Variants in KANK1 observed in about 807,000 individuals in gnomAD.
KANK1 encodes the protein KN motif and ankyrin repeat domains 1.
In KANK1, 109 loss-of-function variants were observed where a neutral mutation model predicts 106.2. The ratio of observed to expected loss-of-function variants is 1.03; its 90% CI spans 0.88 to 1.20. The LOEUF is 1.20. Among genes scored for constraint, KANK1 ranks in the 50% most tolerant of loss-of-function variants. The probability of loss-of-function intolerance (pLI) is 0.00; values close to 1 mark genes in which losing one functional copy is unlikely to be tolerated. For missense variants in KANK1, 2,399 were observed against 1,710.7 expected, an observed-to-expected ratio of 1.40 and a Z score of -7.10; for synonymous variants, 873 against 652.2, an observed-to-expected ratio of 1.34 and a Z score of -5.16.
In KANK1 at chr9:738,519, C is replaced by T; in HGVS notation, c.3553+15C>T. ...GTTAGATGCCGGTATGTTGGCTGCC[C>T]TTCCACCCTCTCTTCTCTAACAGTA... is the stretch of plus-strand genomic sequence containing the variant. On this transcript the variant is annotated intron_variant, in intron 8 of 11. Coordinates refer to ENST00000382297, the MANE Select transcript of KANK1 (RefSeq NM_015158.5). The T allele has an allele frequency of 6.3e-7, 1 of 1,591,374 alleles. No individual in the cohort carries two copies. Among genetic ancestry groups the T allele is most frequent in the Non-Finnish European group, 8.6e-7 (1 of 1,159,376 alleles).
chr9:663,953 A>C (rs901216476), intron 1 of KANK1, among the ~76,000 whole-genome samples: 2 of 152,072 alleles, frequency 1.3e-5, no homozygotes, highest in African/African-American at 4.8e-5. Flanking sequence ...GAACTCTTCA[A>C]ATAAGGTCGT....
chr9:493,502 T>C (rs1443525790), intron 3 of KANK1, among the ~76,000 whole-genome samples: 1 of 151,306 alleles, frequency 6.6e-6, no homozygotes, highest in African/African-American at 2.4e-5. Flanking sequence ...TCAGGAACTA[T>C]GTGAAATGAT....
intron 1 of KANK1, among the ~76,000 whole-genome samples, chr9:545,907 G>A (rs549465589): frequency 1.6e-4 from 25 of 151,784 alleles, no homozygotes; most frequent in African/African-American, 5.8e-4. Flanking sequence ...CACCATGCCC[G>A]GCTAATTTTT....
intron 7 of KANK1, among the ~76,000 whole-genome samples, chr9:735,283 G>T (rs1217377411): frequency 6.6e-6 from 1 of 152,120 alleles, no homozygotes; most frequent in East Asian, 1.9e-4. Flanking sequence ...TGTATGTTAT[G>T]CTCTGATGTG....
intron 1 of KANK1, among the ~76,000 whole-genome samples, chr9:508,048 G>A (rs537089932): frequency 2.7e-5 from 4 of 148,472 alleles, no homozygotes; most frequent in Admixed American, 6.8e-5. Context: ...TCTTGAACTC[G>A]TGACGTCAGG....
intron 1 of KANK1, among the ~76,000 whole-genome samples, chr9:510,091 G>A (rs2058966092): frequency 6.6e-6 from 1 of 151,978 alleles, no homozygotes; most frequent in African/African-American, 2.4e-5. Flanking sequence ...GGGATTACAG[G>A]TGTGAGCCAC....
At chr9:676,783 C>T (rs1278653208) in intron 1 of KANK1, 107 bp from the exon 2 acceptor site, 25 of 530,604 alleles carry the variant, frequency 4.7e-5, no homozygotes, top group Non-Finnish European at 6.8e-5. Context: ...CCCCCCATTC[C>T]GATTTCCTTT....
intron 1 of KANK1, among the ~76,000 whole-genome samples, chr9:517,305 T>C (rs894327903): frequency 1.3e-5 from 2 of 151,654 alleles, no homozygotes; most frequent in Non-Finnish European, 2.9e-5. Flanking sequence ...GGTTTCACCA[T>C]GTTGGCCAGG....
At position 685,174 on chromosome 9, in the gene KANK1, G is replaced by C. The variant is rs1193020722; in HGVS notation, c.37+8165G>C. Among the ~76,000 whole-genome samples, 3 of 152,224 alleles carry C rather than the reference G, an allele frequency of 2.0e-5. No homozygotes were observed. The East Asian group carries it at 5.8e-4, about 29-fold the overall frequency. On this transcript the variant is annotated intron_variant, in intron 2 of 11. Coordinates refer to ENST00000382297, the MANE Select transcript of KANK1 (RefSeq NM_015158.5). Reference sequence around the variant, plus strand: ...AGCCTGGTTCTGCTTTTGAGCTGCAGTTCATTATGAATCCGGAAAACACAG... The same window carrying C: ...AGCCTGGTTCTGCTTTTGAGCTGCACTTCATTATGAATCCGGAAAACACAG...
intron 1 of KANK1, among the ~76,000 whole-genome samples, chr9:511,548 A>G (rs2059026385): frequency 6.7e-6 from 1 of 148,816 alleles, no homozygotes. Context: ...TGAATGAGTT[A>G]AAACCAACTC....
chr9:710,989 G>A lies in KANK1; in HGVS notation c.223G>A (p.Glu75Lys). The change falls in exon 3 of 12, where the codon GAA becomes AAA. Residue 75 changes from glutamate to lysine, a missense_variant. Coordinates refer to ENST00000382297, the MANE Select transcript of KANK1 (RefSeq NM_015158.5). ...KRRKPSVPCP[E>K]PRTTSGQQGI... Reference sequence around the variant, plus strand: ...GCGGAAGCCGTCCGTGCCATGCCCAGAACCCAGGACCACATCTGGTCAGCA... The same window carrying A: ...GCGGAAGCCGTCCGTGCCATGCCCAAAACCCAGGACCACATCTGGTCAGCA... The A allele has an allele frequency of 6.2e-7, 1 of 1,614,144 alleles. No individual in the cohort carries two copies. Among genetic ancestry groups the A allele is most frequent in the Non-Finnish European group, 8.5e-7 (1 of 1,180,032 alleles).
chr9:682,096 A>G (rs1187101848), intron 2 of KANK1, among the ~76,000 whole-genome samples: 5 of 152,072 alleles, frequency 3.3e-5, no homozygotes, highest in Non-Finnish European at 7.4e-5. Flanking sequence ...CCTGGCCAAC[A>G]TGGTGAAAAC....
intron 1 of KANK1, among the ~76,000 whole-genome samples, chr9:540,923 T>C (rs566153709): frequency 8.7e-4 from 132 of 152,334 alleles, no homozygotes; most frequent in African/African-American, 3.1e-3. Flanking sequence ...TTGTCAGTTT[T>C]ATCTTTTCAA....
At chr9:722,623 CACTCAAGACCAGCCAGAGTTTCA>C (rs1293991987) in intron 3 of KANK1, among the ~76,000 whole-genome samples, 2 of 152,098 alleles carry the variant, frequency 1.3e-5, no homozygotes, top group Non-Finnish European at 2.9e-5. Flanking sequence ...GTTTATAGGC[CACTCAAGACCAGCCAGAGTTTCA>C]ACACCATCCA....
At chr9:731,052 C>G (rs1431237503) in intron 4 of KANK1, 106 bp from the exon 5 acceptor site, 12 of 536,158 alleles carry the variant, frequency 2.2e-5, no homozygotes, top group Non-Finnish European at 3.9e-5. Context: ...CATATATATG[C>G]CAAGATCTAC....
At chr9:614,553 G>A (rs1831341190) in intron 1 of KANK1, among the ~76,000 whole-genome samples, 1 of 152,120 alleles carries the variant, frequency 6.6e-6, no homozygotes, top group Admixed American at 6.5e-5. Flanking sequence ...TTATGAGTAG[G>A]ACAGTTCCTC....
chr9:640,064 C>T (rs1165678526), intron 1 of KANK1, among the ~76,000 whole-genome samples: 1 of 152,042 alleles, frequency 6.6e-6, no homozygotes, highest in African/African-American at 2.4e-5. Context: ...TCTCTCAGAC[C>T]TCGTTGTACT....
At chr9:617,870 C>T (rs1180556211) in intron 1 of KANK1, among the ~76,000 whole-genome samples, 3 of 152,130 alleles carry the variant, frequency 2.0e-5, no homozygotes, top group Non-Finnish European at 4.4e-5. Flanking sequence ...AAAGAAAGCA[C>T]GTATTTATAG....
chr9:677,152 GGTTT>G (rs1816576703), intron 2 of KANK1, 143 bp downstream of exon 2: 2 of 733,670 alleles, frequency 2.7e-6, no homozygotes, highest in Admixed American at 6.1e-5. Flanking sequence ...TTGAAGTTTG[GGTTT>G]GTTTTGTTTT....
Sources: gnomAD v4.1 joint callset for allele counts (sites outside exome capture counted in the v4.1 genomes callset) on GRCh38, gnomAD v4.1.1 for gene constraint, MANE v1.5 for transcripts, NCBI Gene and HGNC (gene_info 2026-07-23, HGNC 2026-07-21) for gene names.